The following ATRNL1 variants were observed in gnomAD, a reference collection of about 807,000 sequenced individuals.
The protein encoded by ATRNL1 is attractin-like protein 1.
In ATRNL1, 95 loss-of-function variants were observed where a neutral mutation model predicts 182.7. The observed-to-expected ratio is 0.52, with a 90% CI of 0.44 to 0.62. The LOEUF is 0.62. Among genes scored for constraint, ATRNL1 ranks in the 20% least tolerant of loss-of-function variants. The pLI is 0.00. For synonymous variants in ATRNL1, 576 were observed against 568.3 expected, an observed-to-expected ratio of 1.01 and a Z score of -0.19; for missense variants, 1,471 against 1,679.5, an observed-to-expected ratio of 0.88 and a Z score of 2.17.
At chr10:115,328,887 T>C (rs1564920159) in intron 18 of ATRNL1, among the ~76,000 whole-genome samples, 1 of 152,150 alleles carries the variant, frequency 6.6e-6, no homozygotes, top group Non-Finnish European at 1.5e-5. Flanking sequence ...GTTGATCCTA[T>C]ATTTTGGTTA....
rs567629468 is a variant in ATRNL1 at position 115,712,867 on chromosome 10, C to T, written c.3796-14381C>T. 7.9e-5 allele frequency among the ~76,000 whole-genome samples: 11 copies of T among 140,036 alleles called. No homozygotes were observed. In the East Asian group the frequency reaches 1.0e-3, roughly 13 times the overall value. The allele number at this position is 140,036 out of a possible 152,430, so 91.9% of individuals were successfully genotyped here. A position where few individuals can be genotyped will look rare whatever the true frequency, so the allele number is the denominator to read the frequency against. On this transcript the variant is annotated intron_variant, in intron 26 of 28. Transcript: ENST00000355044. The stretch of plus-strand genomic sequence containing the variant: ...TGGGCGACAGAGTAAGACAATGTTT[C>T]AAAAAAAAAAAAGAAAAAAAAATTA...
At chr10:115,632,559 C>G (rs1858581358) in intron 26 of ATRNL1, among the ~76,000 whole-genome samples, 1 of 152,196 alleles carries the variant, frequency 6.6e-6, no homozygotes, top group African/African-American at 2.4e-5. Context: ...AAATTTCACT[C>G]AAATATGTAG....
chr10:115,806,088 A>T (rs1173347135), intron 27 of ATRNL1, among the ~76,000 whole-genome samples: 1 of 152,194 alleles, frequency 6.6e-6, no homozygotes, highest in Non-Finnish European at 1.5e-5. Flanking sequence ...TAGTGGAATA[A>T]TGTGCCTAAC....
intron 27 of ATRNL1, among the ~76,000 whole-genome samples, chr10:115,760,387 C>T (rs750323612): frequency 8.3e-4 from 126 of 152,016 alleles, no homozygotes; most frequent in Non-Finnish European, 1.5e-3. Context: ...TATATTTTTA[C>T]GTATTCATTG....
At chr10:115,912,860 A>G (rs552483488) in intron 28 of ATRNL1, among the ~76,000 whole-genome samples, 1 of 152,270 alleles carries the variant, frequency 6.6e-6, no homozygotes, top group African/African-American at 2.4e-5. Flanking sequence ...CTTCCTCCAC[A>G]CAAGGCAGGG....
chr10:115,921,979 AGG>A (rs2134564732), intron 28 of ATRNL1, among the ~76,000 whole-genome samples: 1 of 152,296 alleles, frequency 6.6e-6, no homozygotes, highest in South Asian at 2.1e-4. Flanking sequence ...TCCCTGCCTT[AGG>A]GATTGTTGAC....
At chr10:115,885,686 T>G (rs181007912) in intron 28 of ATRNL1, among the ~76,000 whole-genome samples, 1 of 152,346 alleles carries the variant, frequency 6.6e-6, no homozygotes, top group African/African-American at 2.4e-5. Context: ...TGAATCTCAC[T>G]GTATCTACAT....
chr10:115,744,566 CTAAG>C (rs1469529508), intron 27 of ATRNL1, among the ~76,000 whole-genome samples: 2 of 151,988 alleles, frequency 1.3e-5, no homozygotes, highest in Non-Finnish European at 2.9e-5. Flanking sequence ...TTTAATTCAT[CTAAG>C]TAAGTTTAAT....
At chr10:115,284,735 T>C (rs1852526039) in intron 14 of ATRNL1, among the ~76,000 whole-genome samples, 1 of 152,154 alleles carries the variant, frequency 6.6e-6, no homozygotes, top group Non-Finnish European at 1.5e-5. Flanking sequence ...TGTATGCTAT[T>C]CCAATAGACT....
At chr10:115,705,791 G>T (rs1946878750) in intron 26 of ATRNL1, among the ~76,000 whole-genome samples, 1 of 151,720 alleles carries the variant, frequency 6.6e-6, no homozygotes, top group African/African-American at 2.4e-5. Context: ...CAGACCACAG[G>T]GATTATGCAG....
intron 24 of ATRNL1, among the ~76,000 whole-genome samples, chr10:115,472,155 G>A (rs1404417041): frequency 2.7e-5 from 4 of 150,656 alleles, no homozygotes; most frequent in Non-Finnish European, 4.5e-5. Context: ...ATCAGTTGAC[G>A]CTGTCTATGG....
At chr10:115,859,616 G>T (rs934753310) in intron 28 of ATRNL1, among the ~76,000 whole-genome samples, 1 of 152,048 alleles carries the variant, frequency 6.6e-6, no homozygotes, top group Non-Finnish European at 1.5e-5. Flanking sequence ...TTTTCTGGGG[G>T]TCACCTCATA....
At chr10:115,136,047 A>G (rs567939421) in intron 5 of ATRNL1, among the ~76,000 whole-genome samples, 31 of 138,358 alleles carry the variant, frequency 2.2e-4, no homozygotes, top group African/African-American at 8.0e-4. Flanking sequence ...TTTTTTTTTT[A>G]GAGATGAGAT....
intron 25 of ATRNL1, among the ~76,000 whole-genome samples, chr10:115,546,624 A>G (rs1398074720): frequency 1.3e-5 from 2 of 152,026 alleles, no homozygotes; most frequent in Non-Finnish European, 2.9e-5. Flanking sequence ...TATAACCACT[A>G]TGATAATAAT....
intron 8 of ATRNL1, among the ~76,000 whole-genome samples, chr10:115,214,896 A>G (rs1306800866): frequency 6.6e-6 from 1 of 152,168 alleles, no homozygotes; most frequent in Non-Finnish European, 1.5e-5. Flanking sequence ...TGTTAGAAGG[A>G]CTAGAGATAC....
intron 12 of ATRNL1, 28 bp from the exon 13 acceptor site, chr10:115,268,298 G>A (rs1554911530): frequency 7.8e-7 from 1 of 1,287,250 alleles, no homozygotes; most frequent in Admixed American, 1.7e-5. Context: ...TTTCCGTGCT[G>A]ATATATCGTC....
intron 21 of ATRNL1, among the ~76,000 whole-genome samples, chr10:115,431,798 T>A (rs625139): frequency 0.016 from 2,435 of 152,244 alleles, 63 homozygotes; most frequent in African/African-American, 0.055. Context: ...TTTTTGTTTT[T>A]CTTATTTCAA....
At chr10:115,720,025 A>G (rs543257779) in intron 26 of ATRNL1, among the ~76,000 whole-genome samples, 1 of 151,756 alleles carries the variant, frequency 6.6e-6, no homozygotes, top group Admixed American at 6.6e-5. Context: ...AGGCCTGGAT[A>G]TATTTTTTGT....
intron 26 of ATRNL1, among the ~76,000 whole-genome samples, chr10:115,566,446 A>G (rs1317280361): frequency 4.6e-5 from 7 of 152,160 alleles, no homozygotes; most frequent in Non-Finnish European, 7.3e-5. Context: ...ATTTACATAT[A>G]ACCTTTGGCT....
Sources: gnomAD v4.1 joint callset for allele counts (sites outside exome capture counted in the v4.1 genomes callset) on GRCh38, gnomAD v4.1.1 for gene constraint, MANE v1.5 for transcripts, NCBI Gene and HGNC (gene_info 2026-07-23, HGNC 2026-07-21) for gene names.